SUPV3L1: variants seen among roughly 807,000 people sequenced by gnomAD.
The protein encoded by SUPV3L1 is Suv3 like RNA helicase.
Under a neutral mutation model 70.0 loss-of-function variants are expected in SUPV3L1, and 35 were observed. The observed-to-expected ratio is 0.50, with a 90% CI of 0.38 to 0.66. The LOEUF (loss-of-function observed/expected upper bound fraction) is 0.66. Ranked by LOEUF, SUPV3L1 falls within the 30% of genes least tolerant of loss-of-function variation. The probability of loss-of-function intolerance (pLI) is 0.00; values close to 1 mark genes in which losing one functional copy is unlikely to be tolerated. For synonymous variants in SUPV3L1, 364 were observed against 341.9 expected (o/e 1.06, Z -0.71); for missense variants, 777 against 961.5 (o/e 0.81, Z 2.54).
Position 69,195,213 on chromosome 10 carries a change from T to G in SUPV3L1, c.879T>G (p.Ile293Met). ...ATGAAGTGGCTGTAATTGATGAAATTCAAATGATTAGAGATCCAGCCAGAG... is the reference window on the plus strand; with the variant it reads ...ATGAAGTGGCTGTAATTGATGAAATGCAAATGATTAGAGATCCAGCCAGAG... ...TPYEVAVIDE[I>M]QMIRDPARGW... Residue 293 changes from isoleucine (I) to methionine (M), a missense_variant, in exon 7 of 15, where the codon ATT (isoleucine) becomes ATG (methionine). Around this residue, in one of 2 missense-constraint regions of SUPV3L1, gnomAD observed 619 missense variants for 823.3 expected, o/e 0.75. Coordinates refer to ENST00000359655, the MANE Select transcript of SUPV3L1 (RefSeq NM_003171.5). 1 of 1,612,706 alleles carries G rather than the reference T, an allele frequency of 6.2e-7. No homozygotes were observed. Among genetic ancestry groups the G allele is most frequent in the Non-Finnish European group, 8.5e-7 (1 of 1,179,496 alleles).
At position 69,189,431 on chromosome 10, in the gene SUPV3L1, C is replaced by T. The variant is rs764558841; in HGVS notation, c.737C>T (p.Ala246Val). ...CATGAGATCTTCGAAAAGAGTAATGCTGCTGTCAGTATATTACCAAATATT... is the reference window on the plus strand; with the variant it reads ...CATGAGATCTTCGAAAAGAGTAATGTTGCTGTCAGTATATTACCAAATATT... ...LAHEIFEKSN[A>V]AGVPCDLVTG... The change falls in exon 5 of 15, where the codon GCT becomes GTT. Residue 246 changes from alanine (A) to valine (V), a missense_variant. Around this residue, in one of 2 missense-constraint regions of SUPV3L1, gnomAD observed 619 missense variants for 823.3 expected, o/e 0.75. Transcript: ENST00000359655. 1 of 1,607,008 alleles carries T rather than the reference C, an allele frequency of 6.2e-7. No individual in the cohort carries two copies. The highest frequency in any genetic ancestry group is 1.7e-5 in the Admixed American group (1 of 59,036).
At chr10:69,198,907 T>TA (rs1639624747) in intron 9 of SUPV3L1, among the ~76,000 whole-genome samples, 197 bp from the exon 10 acceptor site, 2 of 152,192 alleles carry the variant, frequency 1.3e-5, no homozygotes, top group South Asian at 4.1e-4. Context: ...ATTGTGTTGC[T>TA]ATATGACGGA....
chr10:69,195,476 T>TA (rs1842518808), intron 7 of SUPV3L1: 1 of 390,212 alleles, frequency 2.6e-6, no homozygotes, highest in African/African-American at 2.1e-5. Flanking sequence ...CATAACCATG[T>TA]AATTAAAGTT....
At chr10:69,186,109 C>T (rs41279648) in intron 2 of SUPV3L1, 45 bp downstream of exon 2, 21 of 1,530,566 alleles carry the variant, frequency 1.4e-5, no homozygotes, top group African/African-American at 6.9e-5. Context: ...TTACCTCTTA[C>T]GGTACAGCTT....
At chr10:69,206,124 A>C (rs1179582726) in intron 13 of SUPV3L1, among the ~76,000 whole-genome samples, 1 of 151,802 alleles carries the variant, frequency 6.6e-6, no homozygotes, top group Admixed American at 6.6e-5. Flanking sequence ...GTTTGTGGCC[A>C]AAAAAAATAG....
rs1261271922 is a variant in SUPV3L1, at chr10:69,181,999, CT to C, written c.271+1449del. Reference sequence around the variant, plus strand: ...CTTTTTTTTAGTTTTTTTTTCTTTACTTTTTTTTTTTTAGAGACAGGGTCTT... The same window carrying C: ...CTTTTTTTTAGTTTTTTTTTCTTTACTTTTTTTTTTTAGAGACAGGGTCTT... On this transcript the variant is annotated intron_variant, in intron 1 of 14. Transcript: ENST00000359655. Among the ~76,000 whole-genome samples the C allele has an allele frequency of 4.2e-3, 578 of 137,230 alleles. 1 individual carries two copies. Among genetic ancestry groups the C allele is most frequent in the Middle Eastern group, 0.022 (6 of 268 alleles). 90.0% of individuals were successfully genotyped at this position (137,230 alleles called of 152,430 possible).
intron 13 of SUPV3L1, among the ~76,000 whole-genome samples, chr10:69,205,540 T>G (rs1000804785): frequency 6.6e-6 from 1 of 151,792 alleles, no homozygotes; most frequent in Non-Finnish European, 1.5e-5. Flanking sequence ...ATGCGTGGTG[T>G]GTTTTCTTTT....
chr10:69,196,268 G>A (rs1842539518), intron 7 of SUPV3L1, among the ~76,000 whole-genome samples: 1 of 152,098 alleles, frequency 6.6e-6, no homozygotes, highest in Admixed American at 6.5e-5. Context: ...GAGGCTGGCC[G>A]ATTGCTTGAG....
intron 1 of SUPV3L1, among the ~76,000 whole-genome samples, chr10:69,184,607 A>G (rs1186452932): frequency 7.7e-6 from 1 of 130,280 alleles, no homozygotes; most frequent in Non-Finnish European, 1.6e-5. Context: ...CTGTGATCTG[A>G]AATATAAATA....
intron 1 of SUPV3L1, 107 bp from the exon 2 acceptor site, chr10:69,185,880 C>T: frequency 1.2e-6 from 1 of 803,516 alleles, no homozygotes; most frequent in South Asian, 1.5e-5. Flanking sequence ...GTTCTTGCAA[C>T]ACTCATTAGA....
At chr10:69,189,822 A>G (rs924516248) in intron 5 of SUPV3L1, among the ~76,000 whole-genome samples, 5 of 151,752 alleles carry the variant, frequency 3.3e-5, no homozygotes, top group African/African-American at 1.2e-4. Context: ...AATTTTTTGT[A>G]TTTTTAGTAG....
intron 4 of SUPV3L1, among the ~76,000 whole-genome samples, chr10:69,188,167 G>A (rs7908670): frequency 0.013 from 1,926 of 152,256 alleles, 25 homozygotes; most frequent in Admixed American, 0.018. Context: ...AGACCCTGCC[G>A]ATTCTTACCT....
chr10:69,207,404 C>A (rs1412602418), intron 13 of SUPV3L1, among the ~76,000 whole-genome samples: 1 of 152,180 alleles, frequency 6.6e-6, no homozygotes, highest in Non-Finnish European at 1.5e-5. Context: ...CCTTGACCTC[C>A]CTGGGCTCAG....
At chr10:69,204,553 A>G (rs1842772476) in intron 13 of SUPV3L1, among the ~76,000 whole-genome samples, 1 of 151,506 alleles carries the variant, frequency 6.6e-6, no homozygotes, top group African/African-American at 2.4e-5. Context: ...CTGCCCTTTA[A>G]AAAAAAAATT....
chr10:69,204,689 G>T lies in SUPV3L1; in HGVS notation c.1776+1646G>T, dbSNP rs1842776819. On this transcript the variant is annotated intron_variant, in intron 13 of 14. Coordinates refer to ENST00000359655, the MANE Select transcript of SUPV3L1 (RefSeq NM_003171.5). ...GTGTAAGTTTGTGTGTATCTTTGCA[G>T]ACTGTTTTTCATTGCGTTTGCCTAT... Among the ~76,000 whole-genome samples, 2 of 152,052 alleles carry T rather than the reference G, an allele frequency of 1.3e-5. 1 individual carries two copies. Among genetic ancestry groups the T allele is most frequent in the South Asian group, 4.1e-4 (2 of 4,826 alleles).
At chr10:69,198,950 G>T (rs906436022) in intron 9 of SUPV3L1, among the ~76,000 whole-genome samples, 154 bp from the exon 10 acceptor site, 5 of 152,154 alleles carry the variant, frequency 3.3e-5, no homozygotes. Flanking sequence ...AGGATAAGTG[G>T]CTCTTTGAGG....
intron 11 of SUPV3L1, among the ~76,000 whole-genome samples, chr10:69,201,608 CACGGTAACCCCA>C (rs1782686367): frequency 6.6e-6 from 1 of 150,386 alleles, no homozygotes; most frequent in Non-Finnish European, 1.5e-5. Flanking sequence ...GATCACGGCT[CACGGTAACCCCA>C]ATCTCCTGAG....
intron 1 of SUPV3L1, among the ~76,000 whole-genome samples, chr10:69,181,895 G>C (rs1842073795): frequency 6.6e-6 from 1 of 151,782 alleles, no homozygotes; most frequent in Non-Finnish European, 1.5e-5. Context: ...CCATAGCAGA[G>C]AATGTGTTAT....
At chr10:69,198,955 T>G in intron 9 of SUPV3L1, 149 bp from the exon 10 acceptor site, 1 of 623,774 alleles carries the variant, frequency 1.6e-6, no homozygotes, top group Non-Finnish European at 2.7e-6. Context: ...AAGTGGCTCT[T>G]TGAGGATATA....
Sources: allele counts gnomAD v4.1 joint callset (sites outside exome capture counted in the v4.1 genomes callset), GRCh38; gene constraint gnomAD v4.1.1; regional missense constraint gnomAD v4.1.1; transcripts MANE v1.5; gene names NCBI Gene and HGNC (gene_info 2026-07-23, HGNC 2026-07-21).